Variants in RNF112 observed in about 807,000 individuals in gnomAD.
The protein encoded by RNF112 is ring finger protein 112, also known as brain finger protein.
A neutral mutation model predicts 64.7 loss-of-function variants in RNF112; 34 were observed. That is an observed-to-expected ratio of 0.53 (90% confidence interval 0.40 to 0.70). The LOEUF is 0.70. Among genes scored for constraint, RNF112 ranks in the 30% least tolerant of loss-of-function variants. The pLI is 0.00. For missense variants in RNF112, 734 were observed against 850.0 expected, an observed-to-expected ratio of 0.86 and a Z score of 1.70; for synonymous variants, 345 against 344.5, an observed-to-expected ratio of 1.00 and a Z score of -0.02.
rs1249903420 is a variant in RNF112, at chr17:19,412,919, C to T, written c.382-19C>T. 1.9e-6 allele frequency: 3 copies of T among 1,568,122 alleles called. No individual in the cohort carries two copies. The highest frequency in any genetic ancestry group is 2.6e-6 in the Non-Finnish European group (3 of 1,157,766). The stretch of plus-strand genomic sequence containing the variant: ...GCTGGTCCTGGATGCTCAGGGGCCC[C>T]TCTCTTCTCCTGGCCCAGGAGACGT... On this transcript the variant is annotated intron_variant, in intron 3 of 13. Coordinates refer to ENST00000461366, the MANE Select transcript of RNF112 (RefSeq NM_007148.5). This position sits in a 1 kb window ranked among gnomAD's most constrained non-coding sequence, Gnocchi z 5.1.
intron 6 of RNF112, 44 bp from the exon 7 acceptor site, chr17:19,414,051 C>T (rs775967291): frequency 5.8e-6 from 9 of 1,564,792 alleles, no homozygotes; most frequent in East Asian, 2.3e-5. Flanking sequence ...TGAAGTCACC[C>T]GGCCTCTGTA....
Position 19,415,370 on chromosome 17 carries a change from C to T in RNF112, c.1350+31C>T. 3 of 1,572,342 alleles carry T rather than the reference C, an allele frequency of 1.9e-6. No homozygotes were observed. Among genetic ancestry groups the T allele is most frequent in the Non-Finnish European group, 2.6e-6 (3 of 1,159,026 alleles). On this transcript the variant is annotated intron_variant, in intron 12 of 13. Transcript: ENST00000461366. The surrounding 1 kb of genome is among the most constrained non-coding windows in gnomAD (Gnocchi z 7.8). ...AGCGCTGGGGGATCCAGCATTCTGG[C>T]AGGGAGACAGGGGAGGCAGGGAGGT...
Position 19,411,339 on chromosome 17 carries a change from C to T in RNF112, c.-70C>T, listed in dbSNP as rs976834294. 1.5e-5 allele frequency: 22 copies of T among 1,493,280 alleles called. 1 individual carries two copies. In the African/African-American group the frequency reaches 3.0e-4, roughly 21 times the overall value. 92.5% of individuals were successfully genotyped at this position (1,493,280 alleles called of 1,614,324 possible). A position where few individuals can be genotyped will look rare whatever the true frequency, so the allele number is the denominator to read the frequency against. On this transcript the variant is annotated 5_prime_UTR_variant, in exon 1 of 14. Coordinates refer to ENST00000461366, the MANE Select transcript of RNF112 (RefSeq NM_007148.5). The stretch of plus-strand genomic sequence containing the variant: ...CTAGCCTTTCCGGGAGAAAAGGCAT[C>T]CTTACCTCTGGTTGAAGGTCTCGGG...
Position 19,415,306 on chromosome 17 carries a change from G to T in RNF112, c.1317G>T (p.Gly439=). Reference sequence around the variant, plus strand: ...CGCAGAACCTCTCAGGATGGATGGGGAGGACAGGGCCCGGTTTCACCTCTC... The same window carrying T: ...CGCAGAACCTCTCAGGATGGATGGGTAGGACAGGGCCCGGTTTCACCTCTC... ...QEIKNLSGWM[G]RTGPGFTSPD... Residue 439 remains glycine (G), a synonymous_variant, in exon 12 of 14, where the codon GGG becomes GGT. Transcript: ENST00000461366. This position sits in a 1 kb window ranked among gnomAD's most constrained non-coding sequence, Gnocchi z 7.8. The T allele has an allele frequency of 6.2e-7, 1 of 1,609,842 alleles. No individual in the cohort carries two copies. Among genetic ancestry groups the T allele is most frequent in the Non-Finnish European group, 8.5e-7 (1 of 1,178,092 alleles).
rs1403783253 is a variant in RNF112, at chr17:19,413,853, T to C, written c.825+172T>C. Among the ~76,000 whole-genome samples the C allele has an allele frequency of 6.6e-6, 1 of 152,146 alleles. No homozygotes were observed. The highest frequency in any genetic ancestry group is 1.9e-4 in the East Asian group (1 of 5,188). The stretch of plus-strand genomic sequence containing the variant: ...TTGGTGAAGGTGGGAACGTGGGTTA[T>C]TCCTAAAAGTGGGCTGATGGTCCCA... On this transcript the variant is annotated intron_variant, in intron 6 of 13. Transcript: ENST00000461366. This position sits in a 1 kb window ranked among gnomAD's most constrained non-coding sequence, Gnocchi z 5.9.
chr17:19,415,589 G>T lies in RNF112; in HGVS notation c.1422G>T (p.Gln474His). 6.2e-7 allele frequency: 1 copy of T among 1,612,326 alleles called. No homozygotes were observed. Among genetic ancestry groups the T allele is most frequent in the Non-Finnish European group, 8.5e-7 (1 of 1,179,274 alleles). Residue 474 changes from glutamine to histidine, a missense_variant, in exon 13 of 14, where the codon CAG becomes CAT. Gln to His is a conservative substitution (Grantham distance 24). Transcript: ENST00000461366. The surrounding 1 kb of genome is among the most constrained non-coding windows in gnomAD (Gnocchi z 7.8). ...AKREFEEYVR[Q>H]QDVATKRIFS... ...GGGAGTTCGAGGAGTATGTGAGGCA[G>T]CAGGTGAGCCCCGGGGCTGCACGGG...
rs762070611 is a variant in RNF112 at position 19,415,928 on chromosome 17, TG to T, written c.1655del (p.Gly552ValfsTer87). 1 of 1,603,132 alleles carries T rather than the reference TG, an allele frequency of 6.2e-7. No homozygotes were observed. The highest frequency in any genetic ancestry group is 8.5e-7 in the Non-Finnish European group (1 of 1,175,662). ...TMRFCGHLAA[V>X]GGAVGAGLMG... ...CGCTTCTGTGGCCACCTAGCTGCTGTGGGGGGTGCTGTGGGGGCCGGGCTCA... is the reference window on the plus strand; with the variant it reads ...CGCTTCTGTGGCCACCTAGCTGCTGTGGGGGTGCTGTGGGGGCCGGGCTCA... On this transcript the variant is annotated frameshift_variant, in exon 14 of 14. Coordinates refer to ENST00000461366, the MANE Select transcript of RNF112 (RefSeq NM_007148.5). LOFTEE classifies it high-confidence loss of function. The surrounding 1 kb of genome is among the most constrained non-coding windows in gnomAD (Gnocchi z 7.8).
chr17:19,414,219 G>A, intron 7 of RNF112, 74 bp downstream of exon 7: 1 of 1,401,672 alleles, frequency 7.1e-7, no homozygotes, highest in East Asian at 2.3e-5. Context: ...AAGGAACTAG[G>A]TGCCCTCCTG....
intron 7 of RNF112, 140 bp downstream of exon 7, chr17:19,414,285 T>G (rs192323810): frequency 9.0e-7 from 1 of 1,114,198 alleles, no homozygotes; most frequent in East Asian, 2.4e-5. Context: ...GGGTGGAGAG[T>G]AAAGCAAGAG....
Position 19,415,151 on chromosome 17 carries a change from G to A in RNF112, c.1240G>A (p.Val414Met), listed in dbSNP as rs775962353. Reference sequence around the variant, plus strand: ...GGGGTACTGGAACGAGGGGCGCGCCGTGGCCAGGGGGGACAGACGCCTACT... The same window carrying A: ...GGGGTACTGGAACGAGGGGCGCGCCATGGCCAGGGGGGACAGACGCCTACT... ...CQGYWNEGRAVARGDRRLLTG... is the reference protein window; with the variant it reads ...CQGYWNEGRAMARGDRRLLTG... The change falls in exon 11 of 14, where the codon GTG (valine) becomes ATG (methionine). Residue 414 changes from valine (V) to methionine (M), a missense_variant. Coordinates refer to ENST00000461366, the MANE Select transcript of RNF112 (RefSeq NM_007148.5). This position sits in a 1 kb window ranked among gnomAD's most constrained non-coding sequence, Gnocchi z 7.8. The A allele has an allele frequency of 1.7e-5, 27 of 1,609,346 alleles. 1 individual carries two copies. Among genetic ancestry groups the A allele is most frequent in the South Asian group, 9.9e-5 (9 of 90,756 alleles).
chr17:19,416,396 T>C lies in RNF112; in HGVS notation c.*221T>C, dbSNP rs189434295. 1.4e-4 allele frequency: 73 copies of C among 520,228 alleles called. No individual in the cohort carries two copies. The highest frequency in any genetic ancestry group is 1.3e-3 in the African/African-American group (69 of 51,336). The allele number at this position is 520,228 out of a possible 1,614,324, so 32.2% of individuals were successfully genotyped here. ...GGCAGTGGATAGAACACCCGGCCTG[T>C]TTCTGGTTGCAGATGGTTGCCGATC... is the stretch of plus-strand genomic sequence containing the variant. On this transcript the variant is annotated 3_prime_UTR_variant, in exon 14 of 14. Transcript: ENST00000461366.
In RNF112 at chr17:19,415,424, G is replaced by A. The variant is rs912506206; in HGVS notation, c.1350+85G>A. 5.2e-6 allele frequency: 8 copies of A among 1,543,954 alleles called. No individual in the cohort carries two copies. In the African/African-American group the frequency reaches 8.2e-5, roughly 16 times the overall value. On this transcript the variant is annotated intron_variant, in intron 12 of 13. Coordinates refer to ENST00000461366, the MANE Select transcript of RNF112 (RefSeq NM_007148.5). The surrounding 1 kb of genome is among the most constrained non-coding windows in gnomAD (Gnocchi z 7.8). Reference sequence around the variant, plus strand: ...GGCTGTGCCGAGGCCTCCGGGGTGGGGGTCTGTGTGCCCTGGGAGTGGAGA... The same window carrying A: ...GGCTGTGCCGAGGCCTCCGGGGTGGAGGTCTGTGTGCCCTGGGAGTGGAGA...
At chr17:19,411,714 C>CA in intron 2 of RNF112, 44 bp downstream of exon 2, 1 of 1,551,200 alleles carries the variant, frequency 6.4e-7, no homozygotes, top group Admixed American at 2.0e-5. Flanking sequence ...GCAGTGAGGC[C>CA]AGGCAGGTCA....
Position 19,412,589 on chromosome 17 carries a change from A to G in RNF112, c.187A>G (p.Arg63Gly). Reference protein sequence around the residue: ...ELPTCSICLERLRDPISLDCG... With the variant: ...ELPTCSICLEGLRDPISLDCG... ...CCCTACCTGCTCCATCTGCCTGGAG[A>G]GGTTGCGCGACCCCATCTCGCTGGA... The change falls in exon 3 of 14, where the codon AGG (arginine) becomes GGG (glycine). Residue 63 changes from arginine (R) to glycine (G), a missense_variant. Coordinates refer to ENST00000461366, the MANE Select transcript of RNF112 (RefSeq NM_007148.5). The surrounding 1 kb of genome is among the most constrained non-coding windows in gnomAD (Gnocchi z 5.1). The G allele has an allele frequency of 6.2e-7, 1 of 1,612,880 alleles. No homozygotes were observed. Among genetic ancestry groups the G allele is most frequent in the Non-Finnish European group, 8.5e-7 (1 of 1,179,628 alleles).
Position 19,415,208 on chromosome 17 carries a change from G to A in RNF112, c.1296+1G>A. The A allele has an allele frequency of 6.2e-7, 1 of 1,604,128 alleles. No individual in the cohort carries two copies. Among genetic ancestry groups the A allele is most frequent in the Non-Finnish European group, 8.5e-7 (1 of 1,177,418 alleles). On this transcript the variant is annotated splice_donor_variant, in intron 11 of 13. Transcript: ENST00000461366. LOFTEE classifies it high-confidence loss of function. This position sits in a 1 kb window ranked among gnomAD's most constrained non-coding sequence, Gnocchi z 7.8. ...GCAGCAGCTAGCTCAGGAAATCAAGGTGTGAAAACTCCCTGGAGACCCAGG... is the reference window on the plus strand; with the variant it reads ...GCAGCAGCTAGCTCAGGAAATCAAGATGTGAAAACTCCCTGGAGACCCAGG...
rs1015604883 is a variant in RNF112, at chr17:19,416,165, A to G, written c.1886A>G (p.Gln629Arg). The G allele has an allele frequency of 3.2e-6, 5 of 1,556,544 alleles. No individual in the cohort carries two copies. The highest frequency in any genetic ancestry group is 1.2e-5 in the South Asian group (1 of 84,270). Residue 629 changes from glutamine (Q) to arginine (R), a missense_variant, in exon 14 of 14, where the codon CAG becomes CGG. Transcript: ENST00000461366. ...LLEGDREPLLQEE is the reference protein window; with the variant it reads ...LLEGDREPLLREE ...GAAGGGGACCGAGAGCCCCTTCTCC[A>G]GGAAGAGTAACAGCCCCAGGAGGTA...
intron 2 of RNF112, 99 bp downstream of exon 2, chr17:19,411,769 G>C: frequency 7.7e-7 from 1 of 1,291,524 alleles, no homozygotes; most frequent in South Asian, 1.3e-5. Flanking sequence ...CAGCCCAGCC[G>C]GGAGGGCTGT....
Position 19,415,487 on chromosome 17 carries a change from A to AAGGT in RNF112, c.1351-28_1351-27insTAGG. 3.8e-6 allele frequency: 6 copies of AAGGT among 1,597,248 alleles called. No individual in the cohort carries two copies. Among genetic ancestry groups the AAGGT allele is most frequent in the Non-Finnish European group, 5.1e-6 (6 of 1,172,114 alleles). ...CAGCGCCCCTGGCTGAGAAGGAAGG[A>AAGGT]AGGAGGCAGCCTGGGTTTTCCCGTG... On this transcript the variant is annotated intron_variant, in intron 12 of 13. Transcript: ENST00000461366. The surrounding 1 kb of genome is among the most constrained non-coding windows in gnomAD (Gnocchi z 7.8).
chr17:19,416,764 T>G lies in RNF112; in HGVS notation c.*589T>G, dbSNP rs1002858033. The G allele has an allele frequency of 6.5e-5, 10 of 152,808 alleles. No homozygotes were observed. The highest frequency in any genetic ancestry group is 4.6e-4 in the Admixed American group (7 of 15,354). The allele number at this position is 152,808 out of a possible 1,614,324, so 9.5% of individuals were successfully genotyped here. A position where few individuals can be genotyped will look rare whatever the true frequency, so the allele number is the denominator to read the frequency against. ...TTCCCATGACCCTTCCCAAATCTGCTCCAGCAGGACTAAGGTGGCTTTCCC... is the reference window on the plus strand; with the variant it reads ...TTCCCATGACCCTTCCCAAATCTGCGCCAGCAGGACTAAGGTGGCTTTCCC... On this transcript the variant is annotated 3_prime_UTR_variant, in exon 14 of 14. Transcript: ENST00000461366.
Sources: gnomAD v4.1 joint callset for allele counts (sites outside exome capture counted in the v4.1 genomes callset) on GRCh38, gnomAD v4.1.1 for gene constraint, Gnocchi (gnomAD v3.1) non-coding constraint, MANE v1.5 for transcripts, NCBI Gene and HGNC (gene_info 2026-07-23, HGNC 2026-07-21) for gene names.